MMP16: variants seen among roughly 807,000 people sequenced by gnomAD.
MMP16 encodes matrix metalloproteinase-16.
MMP16 carries 12 observed loss-of-function variants against 67.8 expected under a neutral mutation model. The observed-to-expected ratio is 0.18, with a 90% CI of 0.11 to 0.29. MMP16 has a LOEUF of 0.29. MMP16 is among the 10% of genes least tolerant of loss of function. The pLI is 1.00. For synonymous variants in MMP16, 249 were observed against 255.9 expected (o/e 0.97, Z 0.26); for missense variants, 475 against 765.7 (o/e 0.62, Z 4.48).
intron 3 of MMP16, among the ~76,000 whole-genome samples, chr8:88,173,349 G>A (rs1391480160): frequency 6.6e-6 from 1 of 151,984 alleles, no homozygotes; most frequent in Non-Finnish European, 1.5e-5. Context: ...ACCGGTCCCG[G>A]CTCTCTTTAA....
intron 6 of MMP16, among the ~76,000 whole-genome samples, chr8:88,087,549 A>G (rs1808854989): frequency 6.6e-6 from 1 of 151,894 alleles, no homozygotes; most frequent in Admixed American, 6.6e-5. Context: ...TTGGTCTTCA[A>G]TCAGACATGT....
intron 1 of MMP16, among the ~76,000 whole-genome samples, chr8:88,250,795 A>G (rs62524502): frequency 6.8e-6 from 1 of 147,042 alleles, no homozygotes; most frequent in Admixed American, 6.8e-5. Flanking sequence ...TTTTTATTAT[A>G]CTTTAAGTTT....
chr8:88,161,811 C>A (rs189356098), intron 4 of MMP16, among the ~76,000 whole-genome samples: 25 of 152,106 alleles, frequency 1.6e-4, no homozygotes, highest in African/African-American at 5.8e-4. Flanking sequence ...CGTTATGCAC[C>A]CAATAGTCAC....
intron 4 of MMP16, among the ~76,000 whole-genome samples, chr8:88,126,280 T>C (rs1278918813): frequency 6.6e-6 from 1 of 151,882 alleles, no homozygotes; most frequent in Non-Finnish European, 1.5e-5. Context: ...ATTTAGGAAC[T>C]GAGAGTAGTT....
At chr8:88,198,217 A>C (rs1207843930) in intron 1 of MMP16, among the ~76,000 whole-genome samples, 1 of 152,190 alleles carries the variant, frequency 6.6e-6, no homozygotes, top group African/African-American at 2.4e-5. Context: ...CCAGTTTTAC[A>C]ACTCTATGGA....
Position 88,041,110 on chromosome 8 carries a change from G to A in MMP16, c.*351C>T, listed in dbSNP as rs1808126873. On this transcript the variant is annotated 3_prime_UTR_variant, in exon 10 of 10. Coordinates refer to ENST00000286614, the MANE Select transcript of MMP16 (RefSeq NM_005941.5). The surrounding 1 kb of genome is among the most constrained non-coding windows in gnomAD (Gnocchi z 6.0). ...CCAGAAATGGGCTCAGACTTCAGAA[G>A]GAAAATAACATTAGAAACTTTTAAG... 1 of 179,060 alleles carries A rather than the reference G, an allele frequency of 5.6e-6. No individual in the cohort carries two copies. Among genetic ancestry groups the A allele is most frequent in the Admixed American group, 6.2e-5 (1 of 16,020 alleles). 11.1% of individuals were successfully genotyped at this position (179,060 alleles called of 1,614,324 possible).
intron 1 of MMP16, among the ~76,000 whole-genome samples, chr8:88,318,439 G>A (rs545311506): frequency 6.6e-6 from 1 of 152,206 alleles, no homozygotes; most frequent in African/African-American, 2.4e-5. Flanking sequence ...GTCTGCTCAG[G>A]ATGGGTTAAT....
intron 1 of MMP16, among the ~76,000 whole-genome samples, chr8:88,206,111 G>A (rs1014381282): frequency 6.6e-6 from 1 of 151,450 alleles, no homozygotes; most frequent in Admixed American, 6.6e-5. Context: ...GCCCAACTAG[G>A]GTAAGTTGCC....
intron 1 of MMP16, among the ~76,000 whole-genome samples, chr8:88,235,143 G>T (rs1809919969): frequency 6.6e-6 from 1 of 152,098 alleles, no homozygotes; most frequent in African/African-American, 2.4e-5. Context: ...TTCACTAGAA[G>T]CTGGGCACCG....
chr8:88,113,071 A>G (rs1809365509), intron 6 of MMP16, among the ~76,000 whole-genome samples: 1 of 151,842 alleles, frequency 6.6e-6, no homozygotes, highest in African/African-American at 2.4e-5. Context: ...TCACAGTTTG[A>G]TTATGCATTT....
chr8:88,260,737 A>G (rs1810375967), intron 1 of MMP16, among the ~76,000 whole-genome samples: 1 of 152,210 alleles, frequency 6.6e-6, no homozygotes, highest in Non-Finnish European at 1.5e-5. Flanking sequence ...TAGATTAAAA[A>G]TTAGAAAAAA....
At chr8:88,205,850 G>C (rs941054223) in intron 1 of MMP16, among the ~76,000 whole-genome samples, 1 of 152,048 alleles carries the variant, frequency 6.6e-6, no homozygotes, top group Non-Finnish European at 1.5e-5. Context: ...AGATCACACT[G>C]CTGTTTAAAT....
chr8:88,098,352 G>A (rs1371050962), intron 6 of MMP16, among the ~76,000 whole-genome samples: 1 of 151,980 alleles, frequency 6.6e-6, no homozygotes, highest in Non-Finnish European at 1.5e-5. Flanking sequence ...TGATTGACTG[G>A]TTGCCCACAT....
At chr8:88,315,471 C>A (rs1391707545) in intron 1 of MMP16, among the ~76,000 whole-genome samples, 1 of 152,126 alleles carries the variant, frequency 6.6e-6, no homozygotes, top group Non-Finnish European at 1.5e-5. Context: ...CAAAAACTCA[C>A]CTAAGGTTCC....
chr8:88,096,568 T>C (rs1563530390), intron 6 of MMP16, among the ~76,000 whole-genome samples: 1 of 151,878 alleles, frequency 6.6e-6, no homozygotes, highest in Non-Finnish European at 1.5e-5. Context: ...ACAACTACTT[T>C]GAAAACAAGA....
chr8:88,142,668 C>T (rs751207040), intron 4 of MMP16, among the ~76,000 whole-genome samples: 3 of 151,944 alleles, frequency 2.0e-5, no homozygotes, highest in Non-Finnish European at 4.4e-5. Context: ...GTGCAGTTGG[C>T]ACTGTAGTTA....
intron 4 of MMP16, among the ~76,000 whole-genome samples, chr8:88,155,244 A>G (rs1345330203): frequency 6.6e-6 from 1 of 152,128 alleles, no homozygotes; most frequent in East Asian, 1.9e-4. Context: ...AACTACAGAT[A>G]CAATTTAATA....
intron 3 of MMP16, among the ~76,000 whole-genome samples, chr8:88,170,131 G>C (rs78888003): frequency 2.6e-5 from 4 of 152,172 alleles, no homozygotes; most frequent in African/African-American, 9.7e-5. Context: ...CAATGGATTA[G>C]ACATAGGCTA....
intron 1 of MMP16, among the ~76,000 whole-genome samples, chr8:88,226,117 G>GCA (rs1393383965): frequency 1.3e-5 from 2 of 151,032 alleles, no homozygotes; most frequent in African/African-American, 2.4e-5. Flanking sequence ...ACACACACAC[G>GCA]CACACACACA....
Sources: gnomAD v4.1 joint callset for allele counts (sites outside exome capture counted in the v4.1 genomes callset) on GRCh38, gnomAD v4.1.1 for gene constraint, Gnocchi (gnomAD v3.1) non-coding constraint, MANE v1.5 for transcripts, NCBI Gene and HGNC (gene_info 2026-07-23, HGNC 2026-07-21) for gene names.